TSPEAR: variants seen among roughly 807,000 people sequenced by gnomAD.
TSPEAR encodes the protein thrombospondin-type laminin G domain and EAR repeat-containing protein.
Under a neutral mutation model 71.6 loss-of-function variants are expected in TSPEAR, and 69 were observed. That is an observed-to-expected ratio of 0.96 (90% CI 0.79 to 1.18). The LOEUF (loss-of-function observed/expected upper bound fraction) is 1.18. Among genes scored for constraint, TSPEAR ranks in the 50% most tolerant of loss-of-function variants. TSPEAR has a pLI of 0.00. For missense variants in TSPEAR, 971 were observed against 894.9 expected (o/e 1.09, Z -1.09); for synonymous variants, 402 against 387.2 (o/e 1.04, Z -0.45).
At chr21:44,709,553 C>G (rs1331454938) in intron 1 of TSPEAR, among the ~76,000 whole-genome samples, 1 of 152,258 alleles carries the variant, frequency 6.6e-6, no homozygotes, top group Non-Finnish European at 1.5e-5. Flanking sequence ...GGCGCATGGG[C>G]CCCGTGGCAG....
chr21:44,627,791 C>T (rs1982951975), intron 1 of TSPEAR: 1 of 1,600,130 alleles, frequency 6.2e-7, no homozygotes, highest in Non-Finnish European at 8.5e-7. Flanking sequence ...GGGGCTTCCT[C>T]TTTGTGCTGC....
chr21:44,631,314 G>C (rs587758568), intron 1 of TSPEAR, among the ~76,000 whole-genome samples: 1 of 152,274 alleles, frequency 6.6e-6, no homozygotes, highest in South Asian at 2.1e-4. Flanking sequence ...TATAATAACT[G>C]ATATGAAAAT....
rs1266117126 is a variant in TSPEAR at position 44,593,945 on chromosome 21, T to C, written c.83-25940A>G. Among the ~76,000 whole-genome samples the C allele has an allele frequency of 6.6e-6, 1 of 152,214 alleles. No individual in the cohort carries two copies. Among genetic ancestry groups the C allele is most frequent in the Non-Finnish European group, 1.5e-5 (1 of 68,034 alleles). On this transcript the variant is annotated intron_variant, in intron 1 of 11. Coordinates refer to ENST00000323084, the MANE Select transcript of TSPEAR (RefSeq NM_144991.3). The surrounding 1 kb of genome is among the most constrained non-coding windows in gnomAD (Gnocchi z 5.9). ...CAGGAGACTGACTTCAGGAACCTCC[T>C]CCTGATAAGGGACCCCCAACCATGG...
At chr21:44,577,150 G>A (rs587696448) in intron 1 of TSPEAR, among the ~76,000 whole-genome samples, 17 of 152,290 alleles carry the variant, frequency 1.1e-4, no homozygotes, top group Non-Finnish European at 2.5e-4. Context: ...GCATGTAGAG[G>A]AAAATGCATA....
In TSPEAR at chr21:44,681,766, A is replaced by G. The variant is rs182669045; in HGVS notation, c.82+29667T>C. The G allele has an allele frequency of 4.2e-3, 6,358 of 1,529,848 alleles. 16 individuals are homozygous for G. The highest frequency in any genetic ancestry group is 5.2e-3 in the Non-Finnish European group (5,916 of 1,132,018). 94.8% of individuals were successfully genotyped at this position (1,529,848 alleles called of 1,614,324 possible). Reference sequence around the variant, plus strand: ...ACCATGTGCAGAAGACCAACTGAGGACTCATCCAGGGAGTGTACAGGTGTG... The same window carrying G: ...ACCATGTGCAGAAGACCAACTGAGGGCTCATCCAGGGAGTGTACAGGTGTG... On this transcript the variant is annotated intron_variant, in intron 1 of 11. Coordinates refer to ENST00000323084, the MANE Select transcript of TSPEAR (RefSeq NM_144991.3).
intron 9 of TSPEAR, among the ~76,000 whole-genome samples, chr21:44,515,267 A>G (rs1024529305): frequency 1.3e-5 from 2 of 152,266 alleles, no homozygotes; most frequent in Admixed American, 1.3e-4. Context: ...CTGAGTTTTG[A>G]AAGATGAGGC....
chr21:44,557,894 T>A, intron 2 of TSPEAR: 1 of 875,480 alleles, frequency 1.1e-6, no homozygotes, highest in East Asian at 2.7e-5. Flanking sequence ...GTGGGAGAGA[T>A]GCATGCCTGG....
At chr21:44,701,746 TCCGG>T (rs1987656599) in intron 1 of TSPEAR, among the ~76,000 whole-genome samples, 2 of 85,458 alleles carry the variant, frequency 2.3e-5, no homozygotes, top group Admixed American at 2.9e-4. Context: ...GCCACTCCCC[TCCGG>T]CTGTAAAGCT....
chr21:44,688,385 G>A (rs567254495), intron 1 of TSPEAR, among the ~76,000 whole-genome samples: 9 of 152,296 alleles, frequency 5.9e-5, no homozygotes, highest in East Asian at 1.9e-4. Context: ...CCACAGGGGA[G>A]GGCAAGTGAG....
At chr21:44,528,385 C>T (rs2052899197) in intron 6 of TSPEAR, 67 bp downstream of exon 6, 1 of 1,603,660 alleles carries the variant, frequency 6.2e-7, no homozygotes, top group Non-Finnish European at 8.5e-7. Context: ...CTCCTAGCCT[C>T]CACTCCCAGT....
chr21:44,543,576 C>G (rs587768900), intron 2 of TSPEAR, among the ~76,000 whole-genome samples: 1 of 152,254 alleles, frequency 6.6e-6, no homozygotes, highest in East Asian at 1.9e-4. Context: ...TTAAGTCATA[C>G]GGGATCATAG....
intron 1 of TSPEAR, among the ~76,000 whole-genome samples, chr21:44,674,393 G>A (rs1986204727): frequency 6.6e-6 from 1 of 151,914 alleles, no homozygotes; most frequent in Admixed American, 6.6e-5. Flanking sequence ...AATGAAAAAG[G>A]AGACATTACA....
chr21:44,510,186 G>T (rs1555912435), intron 9 of TSPEAR, among the ~76,000 whole-genome samples: 1 of 152,212 alleles, frequency 6.6e-6, no homozygotes, highest in African/African-American at 2.4e-5. Flanking sequence ...GCACCTTGGG[G>T]ATAAGGGTGG....
chr21:44,678,037 C>A lies in TSPEAR; in HGVS notation c.82+33396G>T, dbSNP rs139979780. The A allele has an allele frequency of 3.2e-4, 243 of 762,110 alleles. 4 individuals carry two copies. The East Asian group carries it at 6.3e-3, about 20-fold the overall frequency. The allele number at this position is 762,110 out of a possible 1,614,324, so 47.2% of individuals were successfully genotyped here. On this transcript the variant is annotated intron_variant, in intron 1 of 11. Transcript: ENST00000323084. ...ACGGAGGACTAACTTCCCATAGAGACAACTCTGGGCCACAGCGGTCACACT... is the reference window on the plus strand; with the variant it reads ...ACGGAGGACTAACTTCCCATAGAGAAAACTCTGGGCCACAGCGGTCACACT...
chr21:44,540,046 GCT>G lies in TSPEAR; in HGVS notation c.304-6125_304-6124del. On this transcript the variant is annotated intron_variant, in intron 2 of 11. Coordinates refer to ENST00000323084, the MANE Select transcript of TSPEAR (RefSeq NM_144991.3). The stretch of plus-strand genomic sequence containing the variant: ...TCAGGCAGGGGGCCGGGGCGCAGCA[GCT>G]GAGGGCGCAGCAGTGGGGCTCACAG... The G allele has an allele frequency of 1.9e-6, 3 of 1,611,460 alleles. No individual in the cohort carries two copies. In the African/African-American group the frequency reaches 4.0e-5, roughly 22 times the overall value.
At chr21:44,627,717 C>T (rs1380617033) in intron 1 of TSPEAR, 2 of 1,595,248 alleles carry the variant, frequency 1.3e-6, no homozygotes, top group Non-Finnish European at 1.7e-6. Flanking sequence ...AGCAGTCCTA[C>T]TGTGTGCCTG....
rs587625096 is a variant in TSPEAR, at chr21:44,592,504, A to AGGGTGAGGGAGTGAGT, written c.83-24500_83-24499insACTCACTCCCTCACCC. On this transcript the variant is annotated intron_variant, in intron 1 of 11. Transcript: ENST00000323084. ...GGCCATGCTGGGGTTGAACTGGTGG[A>AGGGTGAGGGAGTGAGT]GGGTGAGGGAGTGAGCCTGTGAGGT... 1.9e-3 allele frequency: 3,098 copies of AGGGTGAGGGAGTGAGT among 1,592,400 alleles called. 41 individuals carry two copies. The African/African-American group carries it at 0.034, about 17-fold the overall frequency.
intron 1 of TSPEAR, chr21:44,602,104 C>A: frequency 2.7e-6 from 1 of 372,956 alleles, no homozygotes; most frequent in Non-Finnish European, 5.1e-6. Flanking sequence ...TGGGCCTGGG[C>A]CTCTTTCTCT....
chr21:44,646,603 C>T (rs1317297389), intron 1 of TSPEAR: 5 of 1,612,658 alleles, frequency 3.1e-6, no homozygotes, highest in Non-Finnish European at 3.4e-6. Context: ...GGTCTGCACC[C>T]CAGTGAGCTG....
Sources: allele counts gnomAD v4.1 joint callset (sites outside exome capture counted in the v4.1 genomes callset), GRCh38; gene constraint gnomAD v4.1.1; non-coding constraint Gnocchi (gnomAD v3.1); transcripts MANE v1.5; gene names NCBI Gene and HGNC (gene_info 2026-07-23, HGNC 2026-07-21).